The following PRKG1 variants were observed in gnomAD, a reference collection of about 807,000 sequenced individuals.
PRKG1 encodes the protein cGMP-dependent protein kinase 1.
Under a neutral mutation model 88.1 loss-of-function variants are expected in PRKG1, and 35 were observed. The observed-to-expected ratio is 0.40, with a 90% CI of 0.30 to 0.53. The LOEUF (loss-of-function observed/expected upper bound fraction) is 0.53. Among genes scored for constraint, PRKG1 ranks in the 20% least tolerant of loss-of-function variants. The pLI is 0.59. For missense variants in PRKG1, 540 were observed against 839.8 expected (o/e 0.64, Z 4.41); for synonymous variants, 303 against 292.5 (o/e 1.04, Z -0.37).
chr10:52,180,059 T>G (rs542669795), intron 9 of PRKG1, among the ~76,000 whole-genome samples: 2 of 152,350 alleles, frequency 1.3e-5, no homozygotes, highest in South Asian at 4.1e-4. Flanking sequence ...GTTGTTAGCT[T>G]AATGGTCCCT....
intron 3 of PRKG1, among the ~76,000 whole-genome samples, chr10:51,506,482 G>C (rs945785171): frequency 1.3e-5 from 2 of 152,156 alleles, no homozygotes; most frequent in Non-Finnish European, 2.9e-5. Flanking sequence ...CCATCAACAA[G>C]TGGGCAAAGG....
chr10:51,024,909 A>G (rs1843186305), intron 1 of PRKG1, among the ~76,000 whole-genome samples: 2 of 152,154 alleles, frequency 1.3e-5, no homozygotes, highest in Admixed American at 1.3e-4. Flanking sequence ...GGAGGTTACC[A>G]TTTGACATGA....
In PRKG1 at chr10:51,422,173, C is replaced by A. The variant is rs77956597; in HGVS notation, c.479-45550C>A. Among the ~76,000 whole-genome samples the A allele has an allele frequency of 1.2e-4, 19 of 152,326 alleles. No individual in the cohort carries two copies. The East Asian group carries it at 3.7e-3, about 29-fold the overall frequency. ...TGAGGAACTGGATCTCCACACATCTCTATTTGCCCAAACAACCTGAGTTGT... is the reference window on the plus strand; with the variant it reads ...TGAGGAACTGGATCTCCACACATCTATATTTGCCCAAACAACCTGAGTTGT... On this transcript the variant is annotated intron_variant, in intron 2 of 17. Transcript: ENST00000373980.
At chr10:52,003,241 A>G (rs933693940) in intron 5 of PRKG1, among the ~76,000 whole-genome samples, 2 of 152,226 alleles carry the variant, frequency 1.3e-5, no homozygotes, top group Admixed American at 1.3e-4. Context: ...AACCTTGTTG[A>G]AATACAGTTT....
chr10:51,343,982 T>A (rs1198325670), intron 2 of PRKG1, among the ~76,000 whole-genome samples: 3 of 152,232 alleles, frequency 2.0e-5, no homozygotes, highest in Non-Finnish European at 4.4e-5. Flanking sequence ...TACATTTTTA[T>A]GTCTGGAAGA....
intron 2 of PRKG1, among the ~76,000 whole-genome samples, chr10:51,277,422 T>G (rs10996529): frequency 0.22 from 32,725 of 152,174 alleles, 3,720 homozygotes; most frequent in Admixed American, 0.35. Context: ...TTCTTTTGGC[T>G]TAGGATTGTC....
intron 3 of PRKG1, among the ~76,000 whole-genome samples, chr10:51,687,920 T>C (rs1050054466): frequency 1.3e-5 from 2 of 152,186 alleles, no homozygotes; most frequent in Admixed American, 1.3e-4. Flanking sequence ...CACTCAATTA[T>C]CTGTGAAGGA....
intron 2 of PRKG1, among the ~76,000 whole-genome samples, chr10:51,295,828 A>G (rs915437753): frequency 2.2e-4 from 34 of 152,232 alleles, no homozygotes; most frequent in African/African-American, 6.0e-4. Context: ...TATGGCCTGT[A>G]TTGTGTTTAA....
chr10:51,917,318 C>CA (rs1288522303), intron 5 of PRKG1, among the ~76,000 whole-genome samples: 6,510 of 69,214 alleles, frequency 0.094, 590 homozygotes, highest in African/African-American at 0.22. Context: ...GACTCCATCT[C>CA]AAAAAAAAAA....
Position 52,054,351 on chromosome 10 carries a change from T to A in PRKG1, c.763-133T>A. The A allele has an allele frequency of 4.7e-6, 3 of 640,490 alleles. No homozygotes were observed. In the South Asian group the frequency reaches 5.7e-5, roughly 12 times the overall value. The allele number at this position is 640,490 out of a possible 1,614,324, so 39.7% of individuals were successfully genotyped here. A position where few individuals can be genotyped will look rare whatever the true frequency, so the allele number is the denominator to read the frequency against. On this transcript the variant is annotated intron_variant, in intron 5 of 17. Coordinates refer to ENST00000373980, the MANE Select transcript of PRKG1 (RefSeq NM_006258.4). ...ACATTGACTAATATTCATTATTAAA[T>A]CATGATGGTTCCAGGCTTGGATAAA...
At chr10:51,581,304 G>T (rs7896009) in intron 3 of PRKG1, among the ~76,000 whole-genome samples, 10,511 of 152,118 alleles carry the variant, frequency 0.069, 1,192 homozygotes, top group African/African-American at 0.24. Context: ...TAATCAGCAG[G>T]AACAGTTGCA....
At chr10:51,682,251 G>A (rs1382924655) in intron 3 of PRKG1, among the ~76,000 whole-genome samples, 3 of 152,086 alleles carry the variant, frequency 2.0e-5, no homozygotes, top group Non-Finnish European at 4.4e-5. Context: ...ATTTCTTCTC[G>A]TACAAAATAT....
intron 8 of PRKG1, among the ~76,000 whole-genome samples, chr10:52,143,030 G>C (rs1837625640): frequency 9.1e-6 from 1 of 109,324 alleles, no homozygotes; most frequent in South Asian, 3.7e-4. Context: ...ATAGTAATTT[G>C]AGCAGCAAAG....
intron 4 of PRKG1, among the ~76,000 whole-genome samples, chr10:51,842,012 G>A (rs1840289148): frequency 6.6e-6 from 1 of 152,174 alleles, no homozygotes; most frequent in Non-Finnish European, 1.5e-5. Flanking sequence ...GAAGTATAGA[G>A]TCTTGGATTT....
intron 3 of PRKG1, among the ~76,000 whole-genome samples, chr10:51,629,450 C>T (rs1839468595): frequency 6.6e-6 from 1 of 151,726 alleles, no homozygotes; most frequent in African/African-American, 2.4e-5. Flanking sequence ...ACTAGATGGT[C>T]CCATCTGGGG....
At chr10:51,627,104 G>A (rs1428830239) in intron 3 of PRKG1, among the ~76,000 whole-genome samples, 2 of 152,014 alleles carry the variant, frequency 1.3e-5, no homozygotes, top group Non-Finnish European at 2.9e-5. Context: ...TAACACATTG[G>A]AAAAAGGAGT....
chr10:52,095,280 G>C (rs886153380), intron 7 of PRKG1, among the ~76,000 whole-genome samples: 15 of 151,736 alleles, frequency 9.9e-5, no homozygotes, highest in African/African-American at 3.6e-4. Flanking sequence ...TTTAAGTCTT[G>C]GTTCAAATAT....
At chr10:51,637,230 C>T (rs868859748) in intron 3 of PRKG1, among the ~76,000 whole-genome samples, 1 of 152,044 alleles carries the variant, frequency 6.6e-6, no homozygotes, top group African/African-American at 2.4e-5. Context: ...TCATCTCACA[C>T]CAGTCAGAAT....
chr10:51,911,722 G>GTCTC (rs1842221013), intron 5 of PRKG1, among the ~76,000 whole-genome samples: 1 of 152,134 alleles, frequency 6.6e-6, no homozygotes, highest in African/African-American at 2.4e-5. Context: ...TTATATATCA[G>GTCTC]ATAAAGTGAA....
Sources: gnomAD v4.1 joint callset for allele counts (sites outside exome capture counted in the v4.1 genomes callset) on GRCh38, gnomAD v4.1.1 for gene constraint, MANE v1.5 for transcripts, NCBI Gene and HGNC (gene_info 2026-07-23, HGNC 2026-07-21) for gene names.